TSHZ2: variants seen among roughly 807,000 people sequenced by gnomAD.
TSHZ2 encodes the protein teashirt zinc finger homeobox 2, also known as teashirt homolog 2.
TSHZ2 carries 21 observed loss-of-function variants against 74.4 expected under a neutral mutation model. That is an observed-to-expected ratio of 0.28 (90% CI 0.20 to 0.41). The LOEUF is 0.41. Ranked by LOEUF, TSHZ2 falls within the 10% of genes least tolerant of loss-of-function variation. The pLI is 1.00. For synonymous variants in TSHZ2, 540 were observed against 515.3 expected, an observed-to-expected ratio of 1.05 and a Z score of -0.65; for missense variants, 1,244 against 1,293.5, an observed-to-expected ratio of 0.96 and a Z score of 0.59.
At chr20:53,006,230 C>T (rs963880268) in intron 1 of TSHZ2, among the ~76,000 whole-genome samples, 4 of 152,198 alleles carry the variant, frequency 2.6e-5, no homozygotes, top group Non-Finnish European at 5.9e-5. Context: ...AAAATGTTTG[C>T]ATCCCTACTG....
chr20:53,020,465 T>C (rs1259176089), intron 1 of TSHZ2, among the ~76,000 whole-genome samples: 1 of 152,224 alleles, frequency 6.6e-6, no homozygotes, highest in Non-Finnish European at 1.5e-5. Context: ...AGCTAGGATC[T>C]GGTGTTCACA....
intron 1 of TSHZ2, among the ~76,000 whole-genome samples, chr20:53,108,190 A>G (rs1986433726): frequency 6.6e-6 from 1 of 152,194 alleles, no homozygotes. Context: ...GAGAACCACA[A>G]CTTTAGGATA....
intron 2 of TSHZ2, among the ~76,000 whole-genome samples, chr20:53,451,601 C>T (rs1254922061): frequency 2.0e-5 from 3 of 152,154 alleles, no homozygotes; most frequent in Admixed American, 1.3e-4. Flanking sequence ...CAGATCCTGC[C>T]GTAAAAACTC....
intron 2 of TSHZ2, among the ~76,000 whole-genome samples, chr20:53,328,781 C>CT (rs994233261): frequency 1.3e-5 from 2 of 152,022 alleles, no homozygotes; most frequent in Admixed American, 6.6e-5. Context: ...CCTTTTTAAG[C>CT]TTTTTTTATT....
At chr20:53,121,127 A>G (rs1218537878) in intron 1 of TSHZ2, among the ~76,000 whole-genome samples, 2 of 152,214 alleles carry the variant, frequency 1.3e-5, no homozygotes, top group East Asian at 3.8e-4. Context: ...AAAATTAAAA[A>G]TGCTTCAGAC....
chr20:53,243,658 G>T (rs1990124266), intron 1 of TSHZ2, among the ~76,000 whole-genome samples: 1 of 152,148 alleles, frequency 6.6e-6, no homozygotes, highest in African/African-American at 2.4e-5. Context: ...TTTCCTGAAT[G>T]AGAAATTGGC....
chr20:53,211,651 C>T (rs1989306905), intron 1 of TSHZ2, among the ~76,000 whole-genome samples: 1 of 152,150 alleles, frequency 6.6e-6, no homozygotes, highest in African/African-American at 2.4e-5. Context: ...GAGATGGAGG[C>T]TGCAGTGAGT....
At chr20:52,985,928 T>C (rs897405464) in intron 1 of TSHZ2, among the ~76,000 whole-genome samples, 4 of 152,232 alleles carry the variant, frequency 2.6e-5, no homozygotes, top group African/African-American at 7.2e-5. Flanking sequence ...TTAAGTAGCA[T>C]TGAGTCATGT....
chr20:53,354,477 C>G (rs954984197), intron 2 of TSHZ2, among the ~76,000 whole-genome samples: 1 of 152,172 alleles, frequency 6.6e-6, no homozygotes, highest in South Asian at 2.1e-4. Context: ...TTAATTTAAG[C>G]ACAAGAAGAT....
intron 1 of TSHZ2, among the ~76,000 whole-genome samples, chr20:53,229,661 G>GCTCCCTTCCTCTTTGGGAGCAGCACT (rs1989772899): frequency 6.6e-6 from 1 of 151,890 alleles, no homozygotes. Flanking sequence ...ATTCCCCTCA[G>GCTCCCTTCCTCTTTGGGAGCAGCACT]CTCCCTTCCT....
At chr20:53,131,564 C>T (rs562298223) in intron 1 of TSHZ2, among the ~76,000 whole-genome samples, 115 of 152,320 alleles carry the variant, frequency 7.5e-4, no homozygotes, top group Middle Eastern at 6.8e-3. Flanking sequence ...AACGAGTGGC[C>T]CCACTCCACG....
At chr20:53,460,583 G>A (rs890847482) in intron 2 of TSHZ2, among the ~76,000 whole-genome samples, 2 of 152,206 alleles carry the variant, frequency 1.3e-5, no homozygotes, top group African/African-American at 4.8e-5. Flanking sequence ...TTGTTCCGTT[G>A]CTGGTGAGGA....
chr20:53,212,773 C>T (rs1989344269), intron 1 of TSHZ2, among the ~76,000 whole-genome samples: 1 of 152,164 alleles, frequency 6.6e-6, no homozygotes, highest in African/African-American at 2.4e-5. Flanking sequence ...TGAGAACCAG[C>T]AGGAAAGGAA....
At chr20:53,422,653 T>C (rs1983519419) in intron 2 of TSHZ2, among the ~76,000 whole-genome samples, 2 of 152,188 alleles carry the variant, frequency 1.3e-5, no homozygotes, top group Non-Finnish European at 2.9e-5. Flanking sequence ...GCCAGGCCTC[T>C]CATTACCACC....
chr20:53,302,209 G>A (rs1031770855), intron 2 of TSHZ2, among the ~76,000 whole-genome samples: 4 of 152,078 alleles, frequency 2.6e-5, no homozygotes, highest in Admixed American at 2.6e-4. Flanking sequence ...TGTCAACATC[G>A]GGGTTCAGAA....
At chr20:52,974,816 C>T (rs1393440948) in intron 1 of TSHZ2, among the ~76,000 whole-genome samples, 2 of 152,172 alleles carry the variant, frequency 1.3e-5, no homozygotes, top group South Asian at 2.1e-4. Context: ...AATTGCTTCC[C>T]TATTTGTAAG....
chr20:53,342,268 G>A (rs1020277129), intron 2 of TSHZ2, among the ~76,000 whole-genome samples: 3 of 147,460 alleles, frequency 2.0e-5, no homozygotes, highest in Non-Finnish European at 3.0e-5. Context: ...TGTCTCCTTG[G>A]GCTCTTGTTG....
intron 2 of TSHZ2, among the ~76,000 whole-genome samples, chr20:53,367,409 A>C (rs1156871875): frequency 6.6e-6 from 1 of 151,860 alleles, no homozygotes; most frequent in Non-Finnish European, 1.5e-5. Flanking sequence ...GTCTCAAAAA[A>C]ATAAAATAAT....
intron 2 of TSHZ2, among the ~76,000 whole-genome samples, chr20:53,410,966 T>C (rs1217364776): frequency 6.6e-6 from 1 of 152,118 alleles, no homozygotes; most frequent in Non-Finnish European, 1.5e-5. Flanking sequence ...TGAGCCACCA[T>C]GCCCGGCCAT....
Sources: gnomAD v4.1 joint callset for allele counts (sites outside exome capture counted in the v4.1 genomes callset) on GRCh38, gnomAD v4.1.1 for gene constraint, MANE v1.5 for transcripts, NCBI Gene and HGNC (gene_info 2026-07-23, HGNC 2026-07-21) for gene names.